The following CPA6 variants were observed in gnomAD, a reference collection of about 807,000 sequenced individuals.
The protein encoded by CPA6 is carboxypeptidase B.
Under a neutral mutation model 63.3 loss-of-function variants are expected in CPA6, and 58 were observed. That is an observed-to-expected ratio of 0.92 (90% CI 0.74 to 1.14). The LOEUF (loss-of-function observed/expected upper bound fraction) is 1.14. CPA6 is among the 50% of genes most tolerant of loss of function. CPA6 has a pLI of 0.00. For synonymous variants in CPA6, 185 were observed against 179.0 expected (o/e 1.03, Z -0.27); for missense variants, 565 against 526.6 (o/e 1.07, Z -0.71).
chr8:67,554,850 T>G (rs1430416008), intron 2 of CPA6, among the ~76,000 whole-genome samples: 3 of 152,192 alleles, frequency 2.0e-5, no homozygotes, highest in Non-Finnish European at 2.9e-5. Context: ...CCCAGCCTGC[T>G]AGATGGCCCT....
At chr8:67,739,813 G>A (rs1237739213) in intron 1 of CPA6, among the ~76,000 whole-genome samples, 1 of 152,146 alleles carries the variant, frequency 6.6e-6, no homozygotes, top group Admixed American at 6.5e-5. Flanking sequence ...GCAAGGGAGT[G>A]ATATGATAAA....
chr8:67,625,253 C>T (rs548180445), intron 1 of CPA6, among the ~76,000 whole-genome samples: 1 of 152,218 alleles, frequency 6.6e-6, no homozygotes, highest in South Asian at 2.1e-4. Context: ...ATCTTTAAGA[C>T]CAGAAGAATC....
intron 1 of CPA6, among the ~76,000 whole-genome samples, chr8:67,685,664 G>A (rs944726345): frequency 3.3e-5 from 5 of 152,146 alleles, no homozygotes; most frequent in Non-Finnish European, 5.9e-5. Flanking sequence ...GCTAACCACT[G>A]TGGTGTTATA....
intron 10 of CPA6, among the ~76,000 whole-genome samples, chr8:67,427,101 G>A (rs1233273893): frequency 2.0e-5 from 3 of 152,170 alleles, no homozygotes; most frequent in Non-Finnish European, 4.4e-5. Flanking sequence ...CCTGCATGCA[G>A]CAAACAGTAA....
At chr8:67,660,995 C>T (rs182184596) in intron 1 of CPA6, among the ~76,000 whole-genome samples, 78 of 152,174 alleles carry the variant, frequency 5.1e-4, no homozygotes, top group African/African-American at 1.6e-3. Context: ...TGATTTATGG[C>T]CTTTCTGGAA....
chr8:67,729,038 C>T (rs1217803536), intron 1 of CPA6, among the ~76,000 whole-genome samples: 1 of 152,180 alleles, frequency 6.6e-6, no homozygotes, highest in African/African-American at 2.4e-5. Flanking sequence ...TAGCAGATCT[C>T]GAACTTGTCA....
At chr8:67,590,054 A>C (rs1454870039) in intron 2 of CPA6, among the ~76,000 whole-genome samples, 3 of 147,878 alleles carry the variant, frequency 2.0e-5, no homozygotes, top group East Asian at 2.0e-4. Context: ...CCCACCCCAC[A>C]ACAGTCCCCA....
At chr8:67,593,419 AG>A (rs1240179652) in intron 2 of CPA6, among the ~76,000 whole-genome samples, 12 of 152,290 alleles carry the variant, frequency 7.9e-5, no homozygotes. Flanking sequence ...TGCAGACCTG[AG>A]TTCAATTCCT....
chr8:67,743,878 T>C (rs1360592493), intron 1 of CPA6, among the ~76,000 whole-genome samples: 1 of 152,160 alleles, frequency 6.6e-6, no homozygotes. Flanking sequence ...ATGCAAGAAC[T>C]AGGGCTGCCC....
At chr8:67,545,580 T>TTGTTTTG (rs1554672938) in intron 2 of CPA6, among the ~76,000 whole-genome samples, 1 of 125,634 alleles carries the variant, frequency 8.0e-6, no homozygotes, top group Non-Finnish European at 1.7e-5. Context: ...TTTTTTTTTT[T>TTGTTTTG]TTTTGAGATG....
At chr8:67,577,798 G>C (rs1813665153) in intron 2 of CPA6, among the ~76,000 whole-genome samples, 1 of 152,170 alleles carries the variant, frequency 6.6e-6, no homozygotes, top group South Asian at 2.1e-4. Context: ...GAACCACCCT[G>C]AATGTTTGCA....
chr8:67,548,629 T>C (rs1256264960), intron 2 of CPA6, among the ~76,000 whole-genome samples: 1 of 152,204 alleles, frequency 6.6e-6, no homozygotes, highest in African/African-American at 2.4e-5. Context: ...GTGATTAAAA[T>C]TATATCCAGA....
At chr8:67,673,375 TTA>T (rs1178366424) in intron 1 of CPA6, among the ~76,000 whole-genome samples, 5 of 133,954 alleles carry the variant, frequency 3.7e-5, no homozygotes, top group South Asian at 4.4e-4. Context: ...ATTATTATTA[TTA>T]TTATTTATTT....
chr8:67,597,198 C>CTTTT (rs1219322033), intron 2 of CPA6, among the ~76,000 whole-genome samples: 2 of 135,098 alleles, frequency 1.5e-5, no homozygotes, highest in Non-Finnish European at 3.2e-5. Flanking sequence ...CTCTGTGTCT[C>CTTTT]TTTTTTTTTT....
chr8:67,656,952 G>C (rs988108301), intron 1 of CPA6, among the ~76,000 whole-genome samples: 19 of 152,262 alleles, frequency 1.2e-4, no homozygotes, highest in African/African-American at 4.3e-4. Context: ...GAGGCAGTAC[G>C]ATGCCATTTT....
At chr8:67,516,798 C>CT (rs971956537) in intron 3 of CPA6, among the ~76,000 whole-genome samples, 37 of 151,910 alleles carry the variant, frequency 2.4e-4, no homozygotes, top group African/African-American at 8.0e-4. Flanking sequence ...TTGCTCTTTT[C>CT]TTTTTTTTGA....
chr8:67,543,839 A>G (rs952396856), intron 2 of CPA6, among the ~76,000 whole-genome samples: 38 of 151,788 alleles, frequency 2.5e-4, no homozygotes, highest in Non-Finnish European at 1.6e-4. Context: ...GCTGGAGTGC[A>G]GTAGTGTGAT....
At chr8:67,444,396 A>G (rs1444336468) in intron 8 of CPA6, among the ~76,000 whole-genome samples, 1 of 152,200 alleles carries the variant, frequency 6.6e-6, no homozygotes, top group Non-Finnish European at 1.5e-5. Flanking sequence ...TTTGGCTGCC[A>G]ATAGAGATTT....
chr8:67,577,819 T>TG (rs924550096), intron 2 of CPA6, among the ~76,000 whole-genome samples: 2 of 152,212 alleles, frequency 1.3e-5, no homozygotes, highest in African/African-American at 4.8e-5. Flanking sequence ...GCCCAGGGGC[T>TG]GTATCCTGAC....
Sources: gnomAD v4.1 joint callset for allele counts (sites outside exome capture counted in the v4.1 genomes callset) on GRCh38, gnomAD v4.1.1 for gene constraint, MANE v1.5 for transcripts, NCBI Gene and HGNC (gene_info 2026-07-23, HGNC 2026-07-21) for gene names.